Variants in FANCC observed in about 807,000 individuals in gnomAD.
The protein encoded by FANCC is Fanconi anemia group C protein.
FANCC carries 55 observed loss-of-function variants against 71.3 expected under a neutral mutation model. The ratio of observed to expected loss-of-function variants is 0.77; its 90% CI spans 0.62 to 0.97. The LOEUF is 0.97. Among genes scored for constraint, FANCC ranks in the 50% least tolerant of loss-of-function variants. FANCC has a pLI of 0.00. For missense variants in FANCC, 678 were observed against 670.9 expected (o/e 1.01, Z -0.12); for synonymous variants, 275 against 244.9 (o/e 1.12, Z -1.15).
At chr9:95,299,593 G>A (rs1233359458) in intron 1 of FANCC, among the ~76,000 whole-genome samples, 4 of 152,180 alleles carry the variant, frequency 2.6e-5, no homozygotes, top group Non-Finnish European at 2.9e-5. Flanking sequence ...CCCTGCAGTG[G>A]CTCACACCTG....
intron 10 of FANCC, among the ~76,000 whole-genome samples, chr9:95,121,995 C>T (rs570106201): frequency 6.6e-6 from 1 of 151,910 alleles, no homozygotes; most frequent in African/African-American, 2.4e-5. Context: ...GTAGCTGGGA[C>T]TATAAGCGCC....
chr9:95,140,030 A>G (rs965173884), intron 7 of FANCC, among the ~76,000 whole-genome samples: 3 of 152,018 alleles, frequency 2.0e-5, no homozygotes, highest in African/African-American at 7.2e-5. Flanking sequence ...GGAATTGACC[A>G]AAATCATGAA....
At chr9:95,202,325 C>G (rs968974857) in intron 4 of FANCC, among the ~76,000 whole-genome samples, 3 of 152,120 alleles carry the variant, frequency 2.0e-5, no homozygotes, top group African/African-American at 7.2e-5. Flanking sequence ...AAAGAGCCAG[C>G]TTTTCTAGCA....
chr9:95,200,522 C>T (rs1314719822), intron 4 of FANCC, among the ~76,000 whole-genome samples: 5 of 152,072 alleles, frequency 3.3e-5, no homozygotes, highest in South Asian at 4.2e-4. Context: ...AGTGGCAAGA[C>T]GAACAGCAGA....
At chr9:95,169,530 G>T (rs1166194362) in intron 6 of FANCC, among the ~76,000 whole-genome samples, 2 of 152,202 alleles carry the variant, frequency 1.3e-5, no homozygotes, top group African/African-American at 4.8e-5. Context: ...GAGAATGTTG[G>T]ATGCACATTC....
At chr9:95,275,438 C>T (rs576903268) in intron 1 of FANCC, among the ~76,000 whole-genome samples, 4 of 152,214 alleles carry the variant, frequency 2.6e-5, no homozygotes, top group South Asian at 4.1e-4. Flanking sequence ...GTATATCTGT[C>T]CAAACCCATA....
At chr9:95,203,900 T>G (rs1013997560) in intron 4 of FANCC, among the ~76,000 whole-genome samples, 1 of 152,258 alleles carries the variant, frequency 6.6e-6, no homozygotes, top group Admixed American at 6.5e-5. Context: ...CATAATAAAA[T>G]TACATAGCTG....
At chr9:95,241,950 G>A (rs955553383) in intron 3 of FANCC, among the ~76,000 whole-genome samples, 5 of 152,120 alleles carry the variant, frequency 3.3e-5, no homozygotes, top group Non-Finnish European at 7.4e-5. Flanking sequence ...ATGAGCCACC[G>A]TGCCTGGCCA....
intron 4 of FANCC, among the ~76,000 whole-genome samples, chr9:95,200,511 G>A (rs1221561693): frequency 6.6e-6 from 1 of 152,190 alleles, no homozygotes; most frequent in Non-Finnish European, 1.5e-5. Flanking sequence ...GTTTACGGGA[G>A]AGTGGCAAGA....
chr9:95,099,719 G>C lies in FANCC; in HGVS notation c.*1988C>G. On this transcript the variant is annotated 3_prime_UTR_variant, in exon 15 of 15. Transcript: ENST00000289081. ...CCACCCAGGAACCCCTGGCTGCCCA[G>C]AAAGCACCACCGGCAAGGCCGCCTC... 1 of 232,568 alleles carries C rather than the reference G, an allele frequency of 4.3e-6. No homozygotes were observed. Among genetic ancestry groups the C allele is most frequent in the Non-Finnish European group, 8.5e-6 (1 of 117,710 alleles). 14.4% of individuals were successfully genotyped at this position (232,568 alleles called of 1,614,324 possible). A position where few individuals can be genotyped will look rare whatever the true frequency, so the allele number is the denominator to read the frequency against.
rs2071027492 is a variant in FANCC, at chr9:95,100,139, AC to A, written c.*1567del. On this transcript the variant is annotated 3_prime_UTR_variant, in exon 15 of 15. Transcript: ENST00000289081. The stretch of plus-strand genomic sequence containing the variant: ...AGTGAAGCATGCAGCTCCTTTTTCA[AC>A]CCCAACACCTCTGACGAAGCATGTT... 8.6e-6 allele frequency: 2 copies of A among 232,436 alleles called. No homozygotes were observed. Among genetic ancestry groups the A allele is most frequent in the South Asian group, 3.6e-4 (2 of 5,512 alleles). 14.4% of individuals were successfully genotyped at this position (232,436 alleles called of 1,614,324 possible).
chr9:95,291,512 A>C (rs1833994665), intron 1 of FANCC, among the ~76,000 whole-genome samples: 1 of 152,216 alleles, frequency 6.6e-6, no homozygotes, highest in African/African-American at 2.4e-5. Flanking sequence ...TAAAATACTT[A>C]GGTATAAATT....
intron 1 of FANCC, among the ~76,000 whole-genome samples, chr9:95,259,400 C>A (rs1250687790): frequency 6.6e-6 from 1 of 152,188 alleles, no homozygotes; most frequent in Non-Finnish European, 1.5e-5. Context: ...CCATCTACAA[C>A]CATCTGATCT....
intron 8 of FANCC, 87 bp downstream of exon 8, chr9:95,135,259 A>T: frequency 7.6e-7 from 1 of 1,314,440 alleles, no homozygotes; most frequent in Non-Finnish European, 1.1e-6. Context: ...TTTTGTTTAC[A>T]TCCCCCCCTT....
At chr9:95,202,222 C>T (rs1827850480) in intron 4 of FANCC, among the ~76,000 whole-genome samples, 1 of 152,230 alleles carries the variant, frequency 6.6e-6, no homozygotes, top group Non-Finnish European at 1.5e-5. Context: ...AGGGGTGCTG[C>T]TGGCTGGGAA....
intron 10 of FANCC, among the ~76,000 whole-genome samples, chr9:95,120,212 G>C (rs1459028552): frequency 6.6e-6 from 1 of 152,118 alleles, no homozygotes; most frequent in Non-Finnish European, 1.5e-5. Context: ...TAATGTTTGA[G>C]GTTCATTTTT....
intron 3 of FANCC, among the ~76,000 whole-genome samples, chr9:95,244,197 T>A (rs1252046703): frequency 1.3e-5 from 2 of 152,204 alleles, no homozygotes; most frequent in African/African-American, 2.4e-5. Flanking sequence ...GAGAATCACA[T>A]CTTCAAGTTT....
chr9:95,172,088 A>C lies in FANCC; in HGVS notation c.405T>G (p.Thr135=). The C allele has an allele frequency of 6.2e-7, 1 of 1,613,400 alleles. No individual in the cohort carries two copies. Among genetic ancestry groups the C allele is most frequent in the South Asian group, 1.1e-5 (1 of 91,072 alleles). Residue 135 remains threonine (T), a synonymous_variant, in exon 5 of 15, where the codon ACT becomes ACG. Transcript: ENST00000289081. ...CTATAGGTGCATACCCAAGACCTTGAGTGAAAAGAGCAACTTCTTTATCAA... is the reference window on the plus strand; with the variant it reads ...CTATAGGTGCATACCCAAGACCTTGCGTGAAAAGAGCAACTTCTTTATCAA... The part of the protein sequence containing the change: ...LRFDKEVALF[T]QGLGYAPIDY...
chr9:95,254,651 G>C (rs566524294), intron 1 of FANCC, among the ~76,000 whole-genome samples: 2 of 152,334 alleles, frequency 1.3e-5, no homozygotes, highest in African/African-American at 4.8e-5. Context: ...AAACTGGGCG[G>C]CCATTTGGGC....
Sources: allele counts gnomAD v4.1 joint callset (sites outside exome capture counted in the v4.1 genomes callset), GRCh38; gene constraint gnomAD v4.1.1; transcripts MANE v1.5; gene names NCBI Gene and HGNC (gene_info 2026-07-23, HGNC 2026-07-21).